WWOX: variants seen among roughly 807,000 people sequenced by gnomAD.
WWOX encodes WW domain-containing oxidoreductase.
WWOX carries 69 observed loss-of-function variants against 46.2 expected under a neutral mutation model. The ratio of observed to expected loss-of-function variants is 1.49; its 90% CI spans 1.23 to 1.82. The LOEUF (loss-of-function observed/expected upper bound fraction) is 1.82. Among genes scored for constraint, WWOX ranks in the 40% most tolerant of loss-of-function variants. The pLI is 0.00. For missense variants in WWOX, 919 were observed against 542.6 expected, an observed-to-expected ratio of 1.69 and a Z score of -6.89; for synonymous variants, 359 against 202.6, an observed-to-expected ratio of 1.77 and a Z score of -6.56.
intron 4 of WWOX, among the ~76,000 whole-genome samples, chr16:78,158,979 C>G (rs1166163842): frequency 1.3e-5 from 2 of 152,106 alleles, no homozygotes; most frequent in Admixed American, 6.6e-5. Flanking sequence ...TTTTTTGCCT[C>G]TATGAGTTTG....
rs547704596 is a variant in WWOX at position 78,105,636 on chromosome 16, A to G, written c.108-2787A>G. Among the ~76,000 whole-genome samples the G allele has an allele frequency of 4.1e-4, 63 of 152,036 alleles. 1 individual carries two copies. Among genetic ancestry groups the G allele is most frequent in the Non-Finnish European group, 7.8e-4 (53 of 68,022 alleles). ...TGAGTGAGTTTTGTAGTTCCTTTGG[A>G]AAGTATTCATTCTGTTTGTTTACAT... is the stretch of plus-strand genomic sequence containing the variant. On this transcript the variant is annotated intron_variant, in intron 1 of 8. Coordinates refer to ENST00000566780, the MANE Select transcript of WWOX (RefSeq NM_016373.4).
chr16:78,184,815 C>T (rs1166060064), intron 5 of WWOX, among the ~76,000 whole-genome samples: 2 of 152,188 alleles, frequency 1.3e-5, no homozygotes, highest in Non-Finnish European at 2.9e-5. Flanking sequence ...GTTGATGTCA[C>T]ATGTACAGGA....
At chr16:79,181,759 G>A (rs765284202) in intron 8 of WWOX, among the ~76,000 whole-genome samples, 4 of 152,104 alleles carry the variant, frequency 2.6e-5, no homozygotes, top group East Asian at 1.9e-4. Flanking sequence ...TGGGTCGGAG[G>A]TCACAAATGG....
At chr16:78,294,050 C>T (rs187680912) in intron 5 of WWOX, among the ~76,000 whole-genome samples, 76 of 150,620 alleles carry the variant, frequency 5.0e-4, no homozygotes, top group Non-Finnish European at 9.9e-4. Context: ...CTTCGGATCC[C>T]TTCGTGTTTA....
At chr16:78,227,601 A>AT (rs2037107480) in intron 5 of WWOX, among the ~76,000 whole-genome samples, 1 of 152,146 alleles carries the variant, frequency 6.6e-6, no homozygotes, top group Non-Finnish European at 1.5e-5. Context: ...CAAGGGCCGG[A>AT]TGCGGTGGCT....
intron 8 of WWOX, among the ~76,000 whole-genome samples, chr16:79,112,749 A>G (rs1308717182): frequency 1.3e-5 from 2 of 152,192 alleles, no homozygotes; most frequent in Non-Finnish European, 2.9e-5. Context: ...AGAATTTTAG[A>G]GCTGGAAGAC....
At chr16:78,632,941 A>T (rs191414467) in intron 8 of WWOX, among the ~76,000 whole-genome samples, 1 of 152,160 alleles carries the variant, frequency 6.6e-6, no homozygotes, top group African/African-American at 2.4e-5. Flanking sequence ...GAGGGATCCA[A>T]CATTTATTAT....
intron 1 of WWOX, among the ~76,000 whole-genome samples, chr16:78,104,331 A>G (rs970751417): frequency 8.0e-5 from 12 of 149,606 alleles, no homozygotes; most frequent in East Asian, 2.0e-4. Context: ...CTCAAAAAAC[A>G]CACGCACGCA....
intron 4 of WWOX, chr16:78,146,072 C>T (rs1567597408): frequency 6.6e-6 from 1 of 152,136 alleles, no homozygotes; most frequent in Non-Finnish European, 1.5e-5. Context: ...ATGGTGTTTG[C>T]TAAAATGGTG....
Position 78,338,609 on chromosome 16 carries a change from G to C in WWOX, c.517-48251G>C, listed in dbSNP as rs780850888. Among the ~76,000 whole-genome samples, 3 of 120,574 alleles carry C rather than the reference G, an allele frequency of 2.5e-5. No homozygotes were observed. In the East Asian group the frequency reaches 5.8e-4, roughly 23 times the overall value. The allele number at this position is 120,574 out of a possible 152,430, so 79.1% of individuals were successfully genotyped here. A position where few individuals can be genotyped will look rare whatever the true frequency, so the allele number is the denominator to read the frequency against. ...CCTATTTTCTCCTGAATTTTCTGAC[G>C]GAGTTAGAGATAGGAAAATACCATA... On this transcript the variant is annotated intron_variant, in intron 5 of 8. Coordinates refer to ENST00000566780, the MANE Select transcript of WWOX (RefSeq NM_016373.4).
intron 8 of WWOX, among the ~76,000 whole-genome samples, chr16:78,995,522 C>T (rs1281504821): frequency 6.6e-6 from 1 of 151,542 alleles, no homozygotes; most frequent in African/African-American, 2.4e-5. Context: ...ACTTGGAGAG[C>T]ATTCTTCTAA....
Position 78,327,903 on chromosome 16 carries a change from ATCT to A in WWOX, c.517-58950_517-58948del, listed in dbSNP as rs1295234930. On this transcript the variant is annotated intron_variant, in intron 5 of 8. Coordinates refer to ENST00000566780, the MANE Select transcript of WWOX (RefSeq NM_016373.4). ...TTTTTTTTTTTTTTTTTTTGAGATGATCTTCTTCTGTTGCCCAGGCTGGAGTAC... is the reference window on the plus strand; with the variant it reads ...TTTTTTTTTTTTTTTTTTTGAGATGATCTTCTGTTGCCCAGGCTGGAGTAC... Among the ~76,000 whole-genome samples, 256 of 84,286 alleles carry A rather than the reference ATCT, an allele frequency of 3.0e-3. 6 individuals are homozygous for A. In the Admixed American group the frequency reaches 0.039, roughly 13 times the overall value. 55.3% of individuals were successfully genotyped at this position (84,286 alleles called of 152,430 possible). A position where few individuals can be genotyped will look rare whatever the true frequency, so the allele number is the denominator to read the frequency against.
chr16:79,025,804 C>CTTTTTTTTTTTTTTTTTTTTTTTTTTT lies in WWOX; in HGVS notation c.1057-185793_1057-185792insTTTTTTTTTTTTTTTTTTTTTTTTTTT, dbSNP rs60681938. ...TTCTTTGCTTTGCTTTGCTTGCTTGCTTTTTTTTTTTGAGACGGAGTTTTG... is the reference window on the plus strand; with the variant it reads ...TTCTTTGCTTTGCTTTGCTTGCTTGCTTTTTTTTTTTTTTTTTTTTTTTTTTTTTTTTTTTTTTGAGACGGAGTTTTG... On this transcript the variant is annotated intron_variant, in intron 8 of 8. Coordinates refer to ENST00000566780, the MANE Select transcript of WWOX (RefSeq NM_016373.4). Among the ~76,000 whole-genome samples, 2 of 104,092 alleles carry CTTTTTTTTTTTTTTTTTTTTTTTTTTT rather than the reference C, an allele frequency of 1.9e-5. 1 individual carries two copies. Among genetic ancestry groups the CTTTTTTTTTTTTTTTTTTTTTTTTTTT allele is most frequent in the Non-Finnish European group, 3.7e-5 (2 of 54,710 alleles). 68.3% of individuals were successfully genotyped at this position (104,092 alleles called of 152,430 possible). A position where few individuals can be genotyped will look rare whatever the true frequency, so the allele number is the denominator to read the frequency against.
intron 5 of WWOX, among the ~76,000 whole-genome samples, chr16:78,325,994 T>C (rs1042853721): frequency 1.9e-4 from 29 of 152,224 alleles, no homozygotes; most frequent in Non-Finnish European, 3.5e-4. Flanking sequence ...ATGATAGGGC[T>C]CTTTTGCAGA....
In WWOX at chr16:78,801,609, C is replaced by G. The variant is rs994365984; in HGVS notation, c.1056+368857C>G. Among the ~76,000 whole-genome samples, 8 of 152,172 alleles carry G rather than the reference C, an allele frequency of 5.3e-5. No homozygotes were observed. The South Asian group carries it at 1.4e-3, about 28-fold the overall frequency. ...TCCTTACTGGGCAAATTTTTGAGCT[C>G]TCACCCCACATTAACAATTTCTCTC... is the stretch of plus-strand genomic sequence containing the variant. On this transcript the variant is annotated intron_variant, in intron 8 of 8. Coordinates refer to ENST00000566780, the MANE Select transcript of WWOX (RefSeq NM_016373.4).
At chr16:79,038,583 C>G (rs181922031) in intron 8 of WWOX, among the ~76,000 whole-genome samples, 28 of 152,248 alleles carry the variant, frequency 1.8e-4, no homozygotes, top group Non-Finnish European at 3.2e-4. Context: ...GAGTTTCTCT[C>G]TTGTCACACA....
chr16:78,720,308 T>A (rs559072576), intron 8 of WWOX, among the ~76,000 whole-genome samples: 1 of 145,402 alleles, frequency 6.9e-6, no homozygotes, highest in East Asian at 1.9e-4. Flanking sequence ...GTTATATAGA[T>A]CTTTCTGAAT....
intron 4 of WWOX, among the ~76,000 whole-genome samples, chr16:78,153,558 A>G (rs2034492549): frequency 6.6e-6 from 1 of 151,948 alleles, no homozygotes; most frequent in African/African-American, 2.4e-5. Context: ...AGATTCTACA[A>G]CTTGTTGATT....
intron 6 of WWOX, among the ~76,000 whole-genome samples, chr16:78,390,373 C>T (rs2082152762): frequency 6.6e-6 from 1 of 152,174 alleles, no homozygotes; most frequent in South Asian, 2.1e-4. Context: ...AATCACCAAG[C>T]TCAAAACCTT....
Sources: allele counts gnomAD v4.1 joint callset (sites outside exome capture counted in the v4.1 genomes callset), GRCh38; gene constraint gnomAD v4.1.1; transcripts MANE v1.5; gene names NCBI Gene and HGNC (gene_info 2026-07-23, HGNC 2026-07-21).